DPYD: variants seen among roughly 807,000 people sequenced by gnomAD.
DPYD encodes dihydropyrimidine dehydrogenase.
Under a neutral mutation model 116.2 loss-of-function variants are expected in DPYD, and 109 were observed. The observed-to-expected ratio is 0.94, with a 90% CI of 0.80 to 1.10. The LOEUF (loss-of-function observed/expected upper bound fraction) is 1.10. Among genes scored for constraint, DPYD ranks in the 50% least tolerant of loss-of-function variants. DPYD has a pLI of 0.00. For synonymous variants in DPYD, 440 were observed against 432.0 expected (o/e 1.02, Z -0.23); for missense variants, 1,302 against 1,254.5 (o/e 1.04, Z -0.57).
intron 16 of DPYD, among the ~76,000 whole-genome samples, chr1:97,308,973 T>C (rs1001607368): frequency 6.6e-6 from 1 of 151,816 alleles, no homozygotes; most frequent in African/African-American, 2.4e-5. Context: ...CTAAAAAATA[T>C]ATGTTGTGTC....
chr1:97,215,546 T>C (rs1383955027), intron 19 of DPYD, among the ~76,000 whole-genome samples: 1 of 152,192 alleles, frequency 6.6e-6, no homozygotes, highest in Non-Finnish European at 1.5e-5. Flanking sequence ...AATTGTATGT[T>C]CAAAAGGAGG....
At chr1:97,393,261 C>T (rs1672814192) in intron 14 of DPYD, among the ~76,000 whole-genome samples, 1 of 151,670 alleles carries the variant, frequency 6.6e-6, no homozygotes, top group Admixed American at 6.6e-5. Context: ...CACTTAGAGG[C>T]CATTGTTGAG....
At chr1:97,660,322 T>C (rs1393016766) in intron 8 of DPYD, among the ~76,000 whole-genome samples, 1 of 152,110 alleles carries the variant, frequency 6.6e-6, no homozygotes, top group Non-Finnish European at 1.5e-5. Flanking sequence ...TAATCACTAA[T>C]TTCATTGTAA....
intron 5 of DPYD, among the ~76,000 whole-genome samples, chr1:97,719,165 C>CAAA (rs1005459699): frequency 2.1e-3 from 102 of 48,014 alleles, no homozygotes; most frequent in African/African-American, 4.9e-3. Context: ...CCAACCCTGC[C>CAAA]AAAAAAAAAA....
At chr1:97,893,208 A>C (rs1210882487) in intron 1 of DPYD, among the ~76,000 whole-genome samples, 1 of 151,400 alleles carries the variant, frequency 6.6e-6, no homozygotes, top group Non-Finnish European at 1.5e-5. Flanking sequence ...GGATGAAGAC[A>C]ACAGGTGAGA....
chr1:97,611,965 A>G (rs1462348955), intron 8 of DPYD, among the ~76,000 whole-genome samples: 2 of 152,070 alleles, frequency 1.3e-5, no homozygotes, highest in Non-Finnish European at 2.9e-5. Flanking sequence ...GTTAGGAAAT[A>G]TTCTCATAAC....
intron 16 of DPYD, among the ~76,000 whole-genome samples, chr1:97,347,388 T>C (rs1669914407): frequency 6.6e-6 from 1 of 152,044 alleles, no homozygotes; most frequent in Non-Finnish European, 1.5e-5. Context: ...GATCATATAA[T>C]TTTTCTGCTT....
At chr1:97,189,172 G>C (rs571278997) in intron 20 of DPYD, among the ~76,000 whole-genome samples, 3 of 152,180 alleles carry the variant, frequency 2.0e-5, no homozygotes, top group African/African-American at 7.2e-5. Flanking sequence ...TAAGAAAAGT[G>C]AGGTTATTTT....
chr1:97,574,501 C>T (rs1042258324), intron 10 of DPYD, among the ~76,000 whole-genome samples: 1 of 152,004 alleles, frequency 6.6e-6, no homozygotes, highest in Non-Finnish European at 1.5e-5. Context: ...TTTTTCTTCC[C>T]TTTATAAAAC....
chr1:97,293,225 A>T (rs904163609), intron 18 of DPYD, among the ~76,000 whole-genome samples: 2 of 152,148 alleles, frequency 1.3e-5, no homozygotes, highest in African/African-American at 4.8e-5. Context: ...TTTTCAGTCA[A>T]TTTTTTTGTC....
intron 19 of DPYD, among the ~76,000 whole-genome samples, chr1:97,208,347 T>C (rs897804467): frequency 1.3e-5 from 2 of 151,104 alleles, no homozygotes; most frequent in Non-Finnish European, 3.0e-5. Flanking sequence ...TGCAGTGGCA[T>C]GATCATAGCT....
chr1:97,742,128 G>T (rs1399307357), intron 3 of DPYD, among the ~76,000 whole-genome samples: 2 of 152,084 alleles, frequency 1.3e-5, no homozygotes, highest in Admixed American at 6.6e-5. Context: ...ACTGCCACAT[G>T]TGTCAGAAAA....
chr1:97,593,724 T>C (rs958015890), intron 9 of DPYD, among the ~76,000 whole-genome samples: 1 of 152,210 alleles, frequency 6.6e-6, no homozygotes, highest in African/African-American at 2.4e-5. Context: ...CTCAGCATAA[T>C]TTTCCTTTTG....
intron 16 of DPYD, among the ~76,000 whole-genome samples, chr1:97,350,045 T>G (rs545820885): frequency 6.6e-6 from 1 of 151,762 alleles, no homozygotes; most frequent in East Asian, 1.9e-4. Flanking sequence ...AAAGTTAATT[T>G]TTAAGCAAAA....
chr1:97,858,719 C>T (rs1010987558), intron 2 of DPYD, among the ~76,000 whole-genome samples: 1 of 152,024 alleles, frequency 6.6e-6, no homozygotes, highest in African/African-American at 2.4e-5. Flanking sequence ...CGTAAACATA[C>T]AAGCCTTTGG....
intron 8 of DPYD, among the ~76,000 whole-genome samples, chr1:97,677,130 T>C (rs1660187995): frequency 6.6e-6 from 1 of 152,178 alleles, no homozygotes; most frequent in Non-Finnish European, 1.5e-5. Flanking sequence ...AGAAGGTGTT[T>C]CGTGGTTATA....
chr1:97,532,669 T>C (rs1649714056), intron 12 of DPYD, among the ~76,000 whole-genome samples: 1 of 152,108 alleles, frequency 6.6e-6, no homozygotes, highest in African/African-American at 2.4e-5. Flanking sequence ...TTCATAATAG[T>C]CCCTTATGGT....
At chr1:97,826,154 A>C (rs879619000) in intron 3 of DPYD, among the ~76,000 whole-genome samples, 10 of 152,202 alleles carry the variant, frequency 6.6e-5, no homozygotes, top group Non-Finnish European at 1.3e-4. Context: ...GTGGTTGGCA[A>C]GTTATTCCAG....
chr1:97,438,462 G>T (rs1381738737), intron 14 of DPYD, among the ~76,000 whole-genome samples: 1 of 151,904 alleles, frequency 6.6e-6, no homozygotes. Flanking sequence ...TGTATTTCAT[G>T]ATTTGCTGCT....
Sources: gnomAD v4.1 joint callset for allele counts (sites outside exome capture counted in the v4.1 genomes callset) on GRCh38, gnomAD v4.1.1 for gene constraint, MANE v1.5 for transcripts, NCBI Gene and HGNC (gene_info 2026-07-23, HGNC 2026-07-21) for gene names.